Variants in MTF2 observed in about 807,000 individuals in gnomAD.
MTF2 encodes the protein metal response element binding transcription factor 2.
A neutral mutation model predicts 79.5 loss-of-function variants in MTF2; 11 were observed. The observed-to-expected ratio is 0.14, with a 90% confidence interval of 0.09 to 0.23. The LOEUF is 0.23. MTF2 is among the 10% of genes least tolerant of loss of function. The pLI is 1.00. For synonymous variants in MTF2, 208 were observed against 232.8 expected (o/e 0.89, Z 0.97); for missense variants, 486 against 711.2 (o/e 0.68, Z 3.60).
rs771514909 is a variant in MTF2, at chr1:93,115,091, A to G, written c.483+3A>G. On this transcript the variant is annotated splice_donor_region_variant and intron_variant, in intron 5 of 14. Transcript: ENST00000370298. ...GTGTTTTTGCAACAACAACAAAGGT[A>G]TATTTTAAGTGTTTTGGGCTAAAGC... The G allele has an allele frequency of 1.9e-6, 3 of 1,583,306 alleles. No individual in the cohort carries two copies. The highest frequency in any genetic ancestry group is 1.3e-5 in the African/African-American group (1 of 74,194).
intron 14 of MTF2, among the ~76,000 whole-genome samples, chr1:93,134,834 TAAAA>T (rs11285300): frequency 6.9e-6 from 1 of 144,020 alleles, no homozygotes. Flanking sequence ...AAGATTTGAT[TAAAA>T]AAAAAAAAAA....
intron 1 of MTF2, among the ~76,000 whole-genome samples, chr1:93,097,879 T>C (rs1294619255): frequency 6.6e-6 from 1 of 152,202 alleles, no homozygotes; most frequent in Non-Finnish European, 1.5e-5. Context: ...ATTACAGGCA[T>C]GAGCCACCAT....
intron 9 of MTF2, among the ~76,000 whole-genome samples, chr1:93,124,358 G>C (rs1656608785): frequency 6.6e-6 from 1 of 151,988 alleles, no homozygotes; most frequent in Admixed American, 6.6e-5. Context: ...TTGTTTTGGG[G>C]AGTTTAAAAT....
In MTF2 at chr1:93,121,379, TA is replaced by T. The variant is rs1656470621; in HGVS notation, c.921+708del. On this transcript the variant is annotated intron_variant, in intron 9 of 14. Transcript: ENST00000370298. ...TTTTATTTAGAATTACTAAAGTACA[TA>T]TATTAACTACTTTTAGTTAAAACTA... The T allele has an allele frequency of 6.3e-6, 5 of 798,230 alleles. No homozygotes were observed. The South Asian group carries it at 2.3e-4, about 37-fold the overall frequency. 49.4% of individuals were successfully genotyped at this position (798,230 alleles called of 1,614,324 possible). A position where few individuals can be genotyped will look rare whatever the true frequency, so the allele number is the denominator to read the frequency against.
At chr1:93,112,505 TATACTC>T (rs1237344249) in intron 3 of MTF2, among the ~76,000 whole-genome samples, 1 of 152,222 alleles carries the variant, frequency 6.6e-6, no homozygotes, top group Non-Finnish European at 1.5e-5. Flanking sequence ...TGTGAAATGA[TATACTC>T]TTGCATTGCT....
intron 1 of MTF2, among the ~76,000 whole-genome samples, chr1:93,093,223 C>T (rs1286097483): frequency 1.3e-5 from 2 of 151,902 alleles, no homozygotes; most frequent in Non-Finnish European, 2.9e-5. Flanking sequence ...TACTTGTTAG[C>T]TGTTATTTCT....
Position 93,137,021 on chromosome 1 carries a change from A to G in MTF2, c.1776A>G (p.Ala592=). The G allele has an allele frequency of 6.2e-7, 1 of 1,613,108 alleles. No homozygotes were observed. Among genetic ancestry groups the G allele is most frequent in the South Asian group, 1.1e-5 (1 of 91,014 alleles). ...QYLVEWEGAT[A]S is the part of the protein sequence containing the mutation. ...TTGTGGAATGGGAAGGAGCAACTGC[A>G]TCCTGACTGTAGGACTGAACATTAT... The change falls in exon 15 of 15, where the codon GCA becomes GCG. Residue 592 remains alanine, a synonymous_variant. Transcript: ENST00000370298.
chr1:93,106,801 G>A (rs746101914), intron 1 of MTF2, among the ~76,000 whole-genome samples: 1 of 152,108 alleles, frequency 6.6e-6, no homozygotes, highest in Non-Finnish European at 1.5e-5. Flanking sequence ...GATTACAGGC[G>A]TGAGCCACCG....
intron 1 of MTF2, 118 bp from the exon 2 acceptor site, chr1:93,110,112 A>T: frequency 1.1e-6 from 1 of 935,044 alleles, no homozygotes; most frequent in Non-Finnish European, 1.6e-6. Flanking sequence ...TACTTTTTAT[A>T]TTTTTGTCTT....
intron 10 of MTF2, among the ~76,000 whole-genome samples, chr1:93,127,645 G>A (rs1455652725): frequency 2.6e-5 from 4 of 152,148 alleles, no homozygotes; most frequent in African/African-American, 7.2e-5. Context: ...ATATTCAAAA[G>A]ATAGAGAATA....
chr1:93,082,938 C>G (rs1391266013), intron 1 of MTF2, among the ~76,000 whole-genome samples: 1 of 152,238 alleles, frequency 6.6e-6, no homozygotes. Flanking sequence ...CTGGACATTT[C>G]ATGTAAATGG....
chr1:93,081,103 G>T (rs895472683), intron 1 of MTF2: 2 of 152,154 alleles, frequency 1.3e-5, no homozygotes, highest in Non-Finnish European at 2.9e-5. Context: ...ATGTTAGTGG[G>T]TATTAACGGA....
chr1:93,131,354 A>T (rs1356508743), intron 11 of MTF2, among the ~76,000 whole-genome samples: 1 of 152,180 alleles, frequency 6.6e-6, no homozygotes, highest in African/African-American at 2.4e-5. Flanking sequence ...TGCATAAGGT[A>T]TCATTTTGTT....
intron 1 of MTF2, among the ~76,000 whole-genome samples, chr1:93,090,005 C>T (rs1195651047): frequency 6.6e-6 from 1 of 151,910 alleles, no homozygotes; most frequent in Admixed American, 6.6e-5. Context: ...GAGATGGAGT[C>T]TCGCTCTGTC....
intron 14 of MTF2, 26 bp from the exon 15 acceptor site, chr1:93,136,644 C>A: frequency 6.3e-7 from 1 of 1,580,552 alleles, no homozygotes; most frequent in Non-Finnish European, 8.6e-7. Context: ...GCTCAGTAGA[C>A]AATTCTGGCC....
intron 8 of MTF2, 40 bp downstream of exon 8, chr1:93,119,441 T>G (rs750834394): frequency 1.4e-6 from 2 of 1,465,394 alleles, no homozygotes; most frequent in Non-Finnish European, 1.9e-6. Context: ...GAAAAGCCAT[T>G]TTCTTAAACC....
chr1:93,118,258 C>A, intron 6 of MTF2, 87 bp from the exon 7 acceptor site: 3 of 674,500 alleles, frequency 4.4e-6, no homozygotes, highest in Admixed American at 4.3e-5. Context: ...GTGGATTAGG[C>A]CACTTTTTTT....
At chr1:93,121,414 GT>G (rs1459417151) in intron 9 of MTF2, 43 of 881,082 alleles carry the variant, frequency 4.9e-5, no homozygotes, top group Non-Finnish European at 5.2e-5. Flanking sequence ...TAAAAAATTT[GT>G]TTTATAATAT....
chr1:93,103,025 G>T (rs1026026271), intron 1 of MTF2, among the ~76,000 whole-genome samples: 5 of 151,998 alleles, frequency 3.3e-5, no homozygotes, highest in Admixed American at 2.6e-4. Flanking sequence ...TCAGCTACTT[G>T]GGAGGCTGAG....
Sources: gnomAD v4.1 joint callset for allele counts (sites outside exome capture counted in the v4.1 genomes callset) on GRCh38, gnomAD v4.1.1 for gene constraint, MANE v1.5 for transcripts, NCBI Gene and HGNC (gene_info 2026-07-23, HGNC 2026-07-21) for gene names.